The following AHCTF1 variants were observed in gnomAD, a reference collection of about 807,000 sequenced individuals.
AHCTF1 encodes protein ELYS.
A neutral mutation model predicts 248.4 loss-of-function variants in AHCTF1; 24 were observed. That is an observed-to-expected ratio of 0.10 (90% CI 0.07 to 0.14). AHCTF1 has a LOEUF of 0.14. Ranked by LOEUF, AHCTF1 falls within the 10% of genes least tolerant of loss-of-function variation. The pLI, the probability that AHCTF1 is intolerant of heterozygous loss-of-function variation, is 1.00. For synonymous variants in AHCTF1, 786 were observed against 929.8 expected, an observed-to-expected ratio of 0.85 and a Z score of 2.81; for missense variants, 2,206 against 2,636.2, an observed-to-expected ratio of 0.84 and a Z score of 3.57.
Position 246,842,780 on chromosome 1 carries a change from T to C in AHCTF1, c.6526-4A>G, listed in dbSNP as rs1468869665. 3.7e-6 allele frequency: 6 copies of C among 1,611,500 alleles called. No individual in the cohort carries two copies. The Admixed American group carries it at 5.0e-5, about 13-fold the overall frequency. On this transcript the variant is annotated splice_polypyrimidine_tract_variant and splice_region_variant and intron_variant, in intron 34 of 35. Coordinates refer to ENST00000648844, the MANE Select transcript of AHCTF1 (RefSeq NM_001323342.2). Reference sequence around the variant, plus strand: ...CTACTGATTGTGCATCATCTTTCTATGGGTTAAACATTTTAAAAGGTTAAG... The same window carrying C: ...CTACTGATTGTGCATCATCTTTCTACGGGTTAAACATTTTAAAAGGTTAAG...
intron 30 of AHCTF1, among the ~76,000 whole-genome samples, chr1:246,856,856 C>T (rs1438286141): frequency 1.3e-5 from 2 of 152,062 alleles, no homozygotes; most frequent in African/African-American, 4.8e-5. Context: ...CTGGTAAGTC[C>T]CTTTCATTAT....
rs770681220 is a variant in AHCTF1 at position 246,877,145 on chromosome 1, G to A, written c.2805+13C>T. ...CTTGAATTTCTGACAAGTTTACATCGGTAAGTAATTACCTGCTCAGTGTCT... is the reference window on the plus strand; with the variant it reads ...CTTGAATTTCTGACAAGTTTACATCAGTAAGTAATTACCTGCTCAGTGTCT... On this transcript the variant is annotated intron_variant, in intron 22 of 35. Coordinates refer to ENST00000648844, the MANE Select transcript of AHCTF1 (RefSeq NM_001323342.2). The A allele has an allele frequency of 5.6e-6, 9 of 1,612,158 alleles. No individual in the cohort carries two copies. The highest frequency in any genetic ancestry group is 1.9e-4 in the Middle Eastern group (1 of 5,172).
chr1:246,876,480 C>A (rs2103104371), intron 23 of AHCTF1, among the ~76,000 whole-genome samples: 1 of 152,332 alleles, frequency 6.6e-6, no homozygotes, highest in African/African-American at 2.4e-5. Context: ...CATCTCTGTG[C>A]ATCCTCAAAA....
intron 1 of AHCTF1, among the ~76,000 whole-genome samples, chr1:246,923,758 C>T (rs776530870): frequency 2.6e-5 from 4 of 151,804 alleles, no homozygotes; most frequent in Admixed American, 1.3e-4. Flanking sequence ...TGTGTGTGCG[C>T]GTAGCACACA....
In AHCTF1 at chr1:246,849,759, T is replaced by C. The variant is rs765334727; in HGVS notation, c.6247A>G (p.Arg2083Gly). ...GTGAAGGAAGCTGTGGCGAGCAATC[T>C]TTCTTCCTGCTCATTTGTTTCTTTA... The part of the protein sequence containing the change: ...THKETNEQEE[R>G]LLATASFTKS... Residue 2083 changes from arginine to glycine, a missense_variant, in exon 33 of 36, where the codon AGA (arginine) becomes GGA (glycine). Around this residue, in one of 6 missense-constraint regions of AHCTF1, gnomAD observed 469 missense variants for 470.0 expected, o/e 1.00. Coordinates refer to ENST00000648844, the MANE Select transcript of AHCTF1 (RefSeq NM_001323342.2). 3 of 1,614,024 alleles carry C rather than the reference T, an allele frequency of 1.9e-6. No individual in the cohort carries two copies.
chr1:246,915,740 A>T (rs557571183), intron 3 of AHCTF1, among the ~76,000 whole-genome samples: 1 of 152,344 alleles, frequency 6.6e-6, no homozygotes, highest in Admixed American at 6.5e-5. Context: ...CTATTGTCGC[A>T]AATTTAAAAG....
intron 21 of AHCTF1, among the ~76,000 whole-genome samples, chr1:246,882,538 C>T (rs1010830516): frequency 1.3e-5 from 2 of 152,062 alleles, no homozygotes; most frequent in Admixed American, 6.6e-5. Flanking sequence ...CTATGTGGGA[C>T]ATTCGATATA....
chr1:246,856,194 T>C (rs539072674), intron 30 of AHCTF1, among the ~76,000 whole-genome samples: 1 of 152,190 alleles, frequency 6.6e-6, no homozygotes, highest in Non-Finnish European at 1.5e-5. Flanking sequence ...ATGAACTCAG[T>C]AGAGGCAAGG....
intron 11 of AHCTF1, among the ~76,000 whole-genome samples, chr1:246,898,621 A>AACACACAC (rs74163703): frequency 0.013 from 1,863 of 147,042 alleles, 39 homozygotes; most frequent in African/African-American, 0.039. Context: ...ATCTTGACAA[A>AACACACAC]ACACACACAC....
chr1:246,873,057 C>T (rs1393098577), intron 24 of AHCTF1, among the ~76,000 whole-genome samples: 1 of 152,154 alleles, frequency 6.6e-6, no homozygotes, highest in Non-Finnish European at 1.5e-5. Context: ...CTGAGTGAAT[C>T]CTGCACCAGA....
At chr1:246,911,451 T>C (rs1455635491) in intron 4 of AHCTF1, among the ~76,000 whole-genome samples, 1 of 151,664 alleles carries the variant, frequency 6.6e-6, no homozygotes, top group Non-Finnish European at 1.5e-5. Context: ...TACCAAATTT[T>C]AAGGTATAGT....
chr1:246,857,542 C>G, intron 30 of AHCTF1, 149 bp downstream of exon 30: 1 of 860,864 alleles, frequency 1.2e-6, no homozygotes, highest in Non-Finnish European at 1.7e-6. Flanking sequence ...AACTGCACAA[C>G]TAAACTTCTT....
chr1:246,875,018 C>T (rs575420104), intron 24 of AHCTF1, among the ~76,000 whole-genome samples: 29 of 149,018 alleles, frequency 1.9e-4, no homozygotes, highest in African/African-American at 7.2e-4. Context: ...TTTGTTAAAA[C>T]CATCTCCTGA....
At chr1:246,925,685 C>T (rs1413568670) in intron 1 of AHCTF1, among the ~76,000 whole-genome samples, 2 of 152,108 alleles carry the variant, frequency 1.3e-5, no homozygotes, top group Non-Finnish European at 2.9e-5. Flanking sequence ...AATGTGATCC[C>T]CAGTGTTGGA....
chr1:246,896,001 A>AGC (rs1664547559), intron 12 of AHCTF1, 76 bp from the exon 13 acceptor site: 1 of 1,257,572 alleles, frequency 8.0e-7, no homozygotes, highest in African/African-American at 1.5e-5. Context: ...CTGGTTTAGA[A>AGC]TTTAAAAATT....
At chr1:246,882,875 T>C (rs1033881240) in intron 21 of AHCTF1, among the ~76,000 whole-genome samples, 4 of 152,350 alleles carry the variant, frequency 2.6e-5, no homozygotes, top group Admixed American at 6.5e-5. Context: ...TTTAGAGAAA[T>C]GCAAAGATGC....
intron 21 of AHCTF1, among the ~76,000 whole-genome samples, chr1:246,879,208 T>G (rs1338435804): frequency 6.6e-6 from 1 of 152,112 alleles, no homozygotes; most frequent in African/African-American, 2.4e-5. Context: ...AAAAGATACA[T>G]TCCATTATTA....
chr1:246,922,674 G>A (rs569367242), intron 1 of AHCTF1, among the ~76,000 whole-genome samples: 1 of 151,006 alleles, frequency 6.6e-6, no homozygotes, highest in East Asian at 2.0e-4. Context: ...GATTACAGGT[G>A]TGAGACACCT....
intron 1 of AHCTF1, among the ~76,000 whole-genome samples, chr1:246,919,516 A>G (rs1157431235): frequency 6.6e-6 from 1 of 152,010 alleles, no homozygotes; most frequent in African/African-American, 2.4e-5. Flanking sequence ...GATCAACACC[A>G]TCCTGGCTAA....
Sources: allele counts gnomAD v4.1 joint callset (sites outside exome capture counted in the v4.1 genomes callset), GRCh38; gene constraint gnomAD v4.1.1; regional missense constraint gnomAD v4.1.1; transcripts MANE v1.5; gene names NCBI Gene and HGNC (gene_info 2026-07-23, HGNC 2026-07-21).